DCX: variants seen among roughly 807,000 people sequenced by gnomAD.
The protein encoded by DCX is doublecortin, also known as neuronal migration protein doublecortin.
In DCX, 4 loss-of-function variants were observed where a neutral mutation model predicts 20.9. The ratio of observed to expected loss-of-function variants is 0.19; its 90% confidence interval spans 0.09 to 0.44. The LOEUF is 0.44. Among genes scored for constraint, DCX ranks in the 20% least tolerant of loss-of-function variants. The pLI, the probability that DCX is intolerant of heterozygous loss-of-function variation, is 0.99. For missense variants in DCX, 133 were observed against 296.9 expected (o/e 0.45, Z 4.06); for synonymous variants, 103 against 111.4 (o/e 0.92, Z 0.47).
rs1165524644 is a variant in DCX, at chrX:111,297,834, A to T, written c.*3853T>A. The T allele has an allele frequency of 8.9e-6, 1 of 111,773 alleles. No homozygotes were observed. Among genetic ancestry groups the T allele is most frequent in the Non-Finnish European group, 1.9e-5 (1 of 53,189 alleles). The allele number at this position is 111,773 out of a possible 1,213,427, so 9.2% of individuals were successfully genotyped here. A position where few individuals can be genotyped will look rare whatever the true frequency, so the allele number is the denominator to read the frequency against. On this transcript the variant is annotated 3_prime_UTR_variant, in exon 7 of 7. Coordinates refer to ENST00000636035, the MANE Select transcript of DCX (RefSeq NM_001195553.2). Reference sequence around the variant, plus strand: ...AGCACACAGCTTGCTATTTTGGTGCAAACACAGGAGCCAATGTTTAACATC... The same window carrying T: ...AGCACACAGCTTGCTATTTTGGTGCTAACACAGGAGCCAATGTTTAACATC...
At chrX:111,370,808 C>T (rs1299918387) in intron 3 of DCX, among the ~76,000 whole-genome samples, 1 of 111,097 alleles carries the variant, frequency 9.0e-6, no homozygotes, top group Non-Finnish European at 1.9e-5. Context: ...ATGTTCCCTA[C>T]TCCAGGCTAA....
At chrX:111,410,786 G>C (rs1405111726) in intron 1 of DCX, 1 of 1,210,532 alleles carries the variant, frequency 8.3e-7, no homozygotes, top group Non-Finnish European at 1.1e-6. Flanking sequence ...GGAACTTCGG[G>C]CTAAATACAT....
chrX:111,309,079 C>T (rs1422488745), intron 6 of DCX, among the ~76,000 whole-genome samples: 1 of 111,850 alleles, frequency 8.9e-6, no homozygotes, highest in African/African-American at 3.2e-5. Flanking sequence ...TATGAAAATG[C>T]AAAATGTTGT....
rs780290031 is a variant in DCX at position 111,410,450 on chromosome X, A to G, written c.-22-30T>C. 15 of 1,203,808 alleles carry G rather than the reference A, an allele frequency of 1.2e-5. No individual in the cohort carries two copies. In the South Asian group the frequency reaches 1.8e-4, roughly 14 times the overall value. On this transcript the variant is annotated intron_variant, in intron 1 of 6. Coordinates refer to ENST00000636035, the MANE Select transcript of DCX (RefSeq NM_001195553.2). ...GCGTGGGAGAAAGGGATGGGGGTGA[A>G]GAGAGGCAAAAACAAAAAGGGACAA...
intron 3 of DCX, among the ~76,000 whole-genome samples, chrX:111,336,794 T>C (rs748635279): frequency 8.9e-6 from 1 of 112,426 alleles, no homozygotes; most frequent in East Asian, 2.8e-4. Context: ...CAATGCCTGC[T>C]ATGCATTAGA....
At position 111,409,427 on chromosome X, in the gene DCX, T is replaced by G. The variant is rs1025266407; in HGVS notation, c.364+608A>C. Among the ~76,000 whole-genome samples the G allele has an allele frequency of 6.3e-5, 7 of 111,559 alleles. No homozygotes were observed. The South Asian group carries it at 2.6e-3, about 42-fold the overall frequency. ...CTATTCTAATAGGAATGGTCTTTATTAAAATACCAGACATACCTACAGCTT... is the reference window on the plus strand; with the variant it reads ...CTATTCTAATAGGAATGGTCTTTATGAAAATACCAGACATACCTACAGCTT... On this transcript the variant is annotated intron_variant, in intron 2 of 6. Transcript: ENST00000636035.
intron 3 of DCX, among the ~76,000 whole-genome samples, chrX:111,372,544 G>A (rs1462261262): frequency 9.0e-6 from 1 of 111,650 alleles, no homozygotes; most frequent in Non-Finnish European, 1.9e-5. Flanking sequence ...TCCTAAGTGA[G>A]GCAGCATCAC....
chrX:111,308,052 A>T (rs1034914421), intron 6 of DCX, among the ~76,000 whole-genome samples: 2 of 112,352 alleles, frequency 1.8e-5, no homozygotes, highest in African/African-American at 6.5e-5. Flanking sequence ...TTTCGTATTC[A>T]GAATGTATTT....
Position 111,295,292 on chromosome X carries a change from T to C in DCX, c.*6395A>G, listed in dbSNP as rs2095017868. The stretch of plus-strand genomic sequence containing the variant: ...TCTGGCTTCTTTAGGTCCACTAATT[T>C]CTCTTATATGGACTGTCTATTCAGT... On this transcript the variant is annotated 3_prime_UTR_variant, in exon 7 of 7. Transcript: ENST00000636035. 1 of 112,307 alleles carries C rather than the reference T, an allele frequency of 8.9e-6. No individual in the cohort carries two copies. Among genetic ancestry groups the C allele is most frequent in the Non-Finnish European group, 1.9e-5 (1 of 53,261 alleles). The allele number at this position is 112,307 out of a possible 1,213,427, so 9.3% of individuals were successfully genotyped here.
intron 5 of DCX, among the ~76,000 whole-genome samples, chrX:111,326,530 T>C (rs962073355): frequency 4.5e-5 from 5 of 111,852 alleles, no homozygotes; most frequent in African/African-American, 1.3e-4. Flanking sequence ...TTTTCAAATA[T>C]CCCATAGGAG....
Position 111,296,162 on chromosome X carries a change from G to A in DCX, c.*5525C>T, listed in dbSNP as rs1228150417. 8.9e-6 allele frequency: 1 copy of A among 112,119 alleles called. No individual in the cohort carries two copies. The highest frequency in any genetic ancestry group is 3.2e-5 in the African/African-American group (1 of 30,794). The allele number at this position is 112,119 out of a possible 1,213,427, so 9.2% of individuals were successfully genotyped here. Reference sequence around the variant, plus strand: ...CTGAGAACAGAGGAAACTAGACAGAGAAAGAAAAGTCAAAGAGATACACAA... The same window carrying A: ...CTGAGAACAGAGGAAACTAGACAGAAAAAGAAAAGTCAAAGAGATACACAA... On this transcript the variant is annotated 3_prime_UTR_variant, in exon 7 of 7. Coordinates refer to ENST00000636035, the MANE Select transcript of DCX (RefSeq NM_001195553.2).
At chrX:111,315,118 C>T (rs2095066789) in intron 5 of DCX, among the ~76,000 whole-genome samples, 1 of 108,988 alleles carries the variant, frequency 9.2e-6, no homozygotes, top group Admixed American at 9.7e-5. Flanking sequence ...ATCTTTAATC[C>T]ATCTTGAATT....
intron 5 of DCX, among the ~76,000 whole-genome samples, chrX:111,329,382 A>G (rs191969055): frequency 6.1e-4 from 68 of 111,822 alleles, no homozygotes; most frequent in African/African-American, 1.9e-3. Context: ...TTACTGGAGC[A>G]TCTACTAGGG....
In DCX at chrX:111,299,422, A is replaced by G. The variant is rs948154003; in HGVS notation, c.*2265T>C. The G allele has an allele frequency of 6.3e-5, 7 of 111,432 alleles. No homozygotes were observed. Among genetic ancestry groups the G allele is most frequent in the African/African-American group, 2.3e-4 (7 of 30,591 alleles). 9.2% of individuals were successfully genotyped at this position (111,432 alleles called of 1,213,427 possible). On this transcript the variant is annotated 3_prime_UTR_variant, in exon 7 of 7. Coordinates refer to ENST00000636035, the MANE Select transcript of DCX (RefSeq NM_001195553.2). The stretch of plus-strand genomic sequence containing the variant: ...GCTAGTGTGAGGCCCAAGCATAAGG[A>G]AATCTGGATTCTTCCTCTGGTCCTG...
rs2095025239 is a variant in DCX, at chrX:111,297,942, T to C, written c.*3745A>G. 9.0e-6 allele frequency: 1 copy of C among 111,689 alleles called. No individual in the cohort carries two copies. Among genetic ancestry groups the C allele is most frequent in the African/African-American group, 3.3e-5 (1 of 30,717 alleles). The allele number at this position is 111,689 out of a possible 1,213,427, so 9.2% of individuals were successfully genotyped here. On this transcript the variant is annotated 3_prime_UTR_variant, in exon 7 of 7. Coordinates refer to ENST00000636035, the MANE Select transcript of DCX (RefSeq NM_001195553.2). ...CAGAGCAGGATGGCTTTGGGGACAT[T>C]GTGGATGAGGGCAACCACAGTGAGA...
intron 3 of DCX, among the ~76,000 whole-genome samples, chrX:111,369,047 T>G (rs902473547): frequency 7.3e-5 from 8 of 110,106 alleles, no homozygotes; most frequent in Non-Finnish European, 1.1e-4. Flanking sequence ...GAACTTGAAG[T>G]CCAATGTTCA....
intron 3 of DCX, among the ~76,000 whole-genome samples, chrX:111,399,792 C>G (rs750607992): frequency 1.3e-4 from 14 of 111,848 alleles, no homozygotes; most frequent in African/African-American, 4.2e-4. Context: ...ACATCACAGA[C>G]AAACCCATTG....
intron 3 of DCX, among the ~76,000 whole-genome samples, chrX:111,372,241 T>A (rs1434595939): frequency 9.0e-6 from 1 of 111,271 alleles, no homozygotes; most frequent in East Asian, 2.8e-4. Context: ...GGGGAAGCGC[T>A]TTTTTTTCCC....
intron 3 of DCX, among the ~76,000 whole-genome samples, chrX:111,349,911 C>T (rs1923165696): frequency 9.0e-6 from 1 of 111,093 alleles, no homozygotes; most frequent in Non-Finnish European, 1.9e-5. Flanking sequence ...CCACAGAGGG[C>T]ACTGTAGAAT....
Sources: allele counts gnomAD v4.1 joint callset (sites outside exome capture counted in the v4.1 genomes callset), GRCh38; gene constraint gnomAD v4.1.1; transcripts MANE v1.5; gene names NCBI Gene and HGNC (gene_info 2026-07-23, HGNC 2026-07-21).